Variants in DNMT1 observed in about 807,000 individuals in gnomAD.
The protein encoded by DNMT1 is DNA methyltransferase 1, also known as DNA (cytosine-5)-methyltransferase 1.
DNMT1 carries 24 observed loss-of-function variants against 205.3 expected under a neutral mutation model. The observed-to-expected ratio is 0.12, with a 90% CI of 0.08 to 0.16. DNMT1 has a LOEUF of 0.16. Among genes scored for constraint, DNMT1 ranks in the 10% least tolerant of loss-of-function variants. DNMT1 has a pLI of 1.00. For synonymous variants in DNMT1, 817 were observed against 839.8 expected, an observed-to-expected ratio of 0.97 and a Z score of 0.47; for missense variants, 1,293 against 2,177.7, an observed-to-expected ratio of 0.59 and a Z score of 8.09.
At chr19:10,168,926 C>T (rs926451988) in intron 9 of DNMT1, among the ~76,000 whole-genome samples, 12 of 152,192 alleles carry the variant, frequency 7.9e-5, no homozygotes. Flanking sequence ...TAACCTCCAA[C>T]TCCCAGGTTC....
At position 10,138,712 on chromosome 19, in the gene DNMT1, A is replaced by G; in HGVS notation, c.3949-107T>C. ...AGCCTGAGTCGGGAGTGGCTGGCCA[A>G]TGCGGAGTGCACTTGCAGAAATCCC... On this transcript the variant is annotated intron_variant, in intron 34 of 40. Coordinates refer to ENST00000359526, the MANE Select transcript of DNMT1 (RefSeq NM_001130823.3). This position sits in a 1 kb window ranked among gnomAD's most constrained non-coding sequence, Gnocchi z 4.1. 4.3e-6 allele frequency: 6 copies of G among 1,404,298 alleles called. 1 individual carries two copies. The highest frequency in any genetic ancestry group is 3.9e-5 in the South Asian group (3 of 76,194). The allele number at this position is 1,404,298 out of a possible 1,614,324, so 87.0% of individuals were successfully genotyped here. A position where few individuals can be genotyped will look rare whatever the true frequency, so the allele number is the denominator to read the frequency against.
At chr19:10,134,158 C>T in intron 40 of DNMT1, 59 bp downstream of exon 40, 4 of 1,594,910 alleles carry the variant, frequency 2.5e-6, no homozygotes, top group Non-Finnish European at 2.6e-6. Flanking sequence ...CAACTGCCCC[C>T]ACATGTACCC....
intron 9 of DNMT1, among the ~76,000 whole-genome samples, chr19:10,171,499 C>T (rs770106062): frequency 2.6e-5 from 4 of 151,876 alleles, no homozygotes; most frequent in South Asian, 2.1e-4. Context: ...GGTGAAACCC[C>T]GTCTCTACTA....
intron 30 of DNMT1, 134 bp downstream of exon 30, chr19:10,141,894 C>A: frequency 9.6e-7 from 1 of 1,045,738 alleles, no homozygotes; most frequent in Non-Finnish European, 1.4e-6. Context: ...AGAACAGCTT[C>A]ACGTCAGCCA....
At chr19:10,149,340 A>C (rs2038283662) in intron 26 of DNMT1, 113 bp downstream of exon 26, 16 of 1,383,066 alleles carry the variant, frequency 1.2e-5, no homozygotes, top group Admixed American at 9.7e-5. Context: ...CAAAAAAAAA[A>C]ACAAAAAAAA....
At position 10,156,380 on chromosome 19, in the gene DNMT1, C is replaced by T. The variant is rs2038457852; in HGVS notation, c.1399+11G>A. 6.3e-7 allele frequency: 1 copy of T among 1,597,448 alleles called. No homozygotes were observed. Among genetic ancestry groups the T allele is most frequent in the East Asian group, 2.2e-5 (1 of 44,586 alleles). ...AGTGTGCCCCAAACATAATCCCGGACTATTCCTTACCTTCAAGAGATGGGT... is the reference window on the plus strand; with the variant it reads ...AGTGTGCCCCAAACATAATCCCGGATTATTCCTTACCTTCAAGAGATGGGT... On this transcript the variant is annotated intron_variant, in intron 18 of 40. Coordinates refer to ENST00000359526, the MANE Select transcript of DNMT1 (RefSeq NM_001130823.3). This position sits in a 1 kb window ranked among gnomAD's most constrained non-coding sequence, Gnocchi z 4.2.
At position 10,140,761 on chromosome 19, in the gene DNMT1, T is replaced by C; in HGVS notation, c.3523+20A>G. On this transcript the variant is annotated intron_variant, in intron 32 of 40. Coordinates refer to ENST00000359526, the MANE Select transcript of DNMT1 (RefSeq NM_001130823.3). The surrounding 1 kb of genome is among the most constrained non-coding windows in gnomAD (Gnocchi z 8.4). ...TCTGGGCTCACCAGGTATTCAGAGA[T>C]GGAGCCTACGGGCGCTCACCTGCTT... The C allele has an allele frequency of 6.2e-7, 1 of 1,613,974 alleles. No individual in the cohort carries two copies. Among genetic ancestry groups the C allele is most frequent in the Non-Finnish European group, 8.5e-7 (1 of 1,179,916 alleles).
In DNMT1 at chr19:10,159,444, A is replaced by G. The variant is rs965725681; in HGVS notation, c.1280+214T>C. On this transcript the variant is annotated intron_variant, in intron 17 of 40. Transcript: ENST00000359526. The surrounding 1 kb of genome is among the most constrained non-coding windows in gnomAD (Gnocchi z 5.0). ...GGCTGGTCTCGAACTCCTGACCTGA[A>G]GTGATCTGCTCACCTCGGCCTCCCA... is the stretch of plus-strand genomic sequence containing the variant. Among the ~76,000 whole-genome samples the G allele has an allele frequency of 6.6e-6, 1 of 152,104 alleles. No individual in the cohort carries two copies. Among genetic ancestry groups the G allele is most frequent in the Non-Finnish European group, 1.5e-5 (1 of 68,014 alleles).
At chr19:10,193,219 G>A (rs58494743) in intron 1 of DNMT1, among the ~76,000 whole-genome samples, 1 of 152,068 alleles carries the variant, frequency 6.6e-6, no homozygotes, top group Non-Finnish European at 1.5e-5. Context: ...AGTCATCTGG[G>A]CATGGTGGTG....
intron 30 of DNMT1, 58 bp from the exon 31 acceptor site, chr19:10,141,247 G>A (rs1217308420): frequency 5.1e-6 from 8 of 1,566,622 alleles, no homozygotes; most frequent in African/African-American, 2.7e-5. Flanking sequence ...CCTCTCTAAC[G>A]CAGACTAGTA....
chr19:10,140,195 G>A lies in DNMT1; in HGVS notation c.3657C>T (p.Thr1219=), dbSNP rs142378165. Residue 1219 remains threonine, a synonymous_variant, in exon 33 of 41, where the codon ACC becomes ACT. Coordinates refer to ENST00000359526, the MANE Select transcript of DNMT1 (RefSeq NM_001130823.3). This position sits in a 1 kb window ranked among gnomAD's most constrained non-coding sequence, Gnocchi z 8.4. The part of the protein sequence containing the change: ...ILLKLVMAGE[T]TNSRGQRLPQ... ...GCAGCCGCTGGCCGCGGGAGTTGGT[G>A]GTCTCCCCAGCCATGACCAGCTTCA... The A allele has an allele frequency of 1.5e-5, 25 of 1,614,010 alleles. No individual in the cohort carries two copies. In the African/African-American group the frequency reaches 3.1e-4, roughly 20 times the overall value.
chr19:10,180,179 GCACATA>G lies in DNMT1; in HGVS notation c.493+2_493+7del, dbSNP rs2039017500. 1 of 768,832 alleles carries G rather than the reference GCACATA, an allele frequency of 1.3e-6. No homozygotes were observed. 47.6% of individuals were successfully genotyped at this position (768,832 alleles called of 1,614,324 possible). A position where few individuals can be genotyped will look rare whatever the true frequency, so the allele number is the denominator to read the frequency against. On this transcript the variant is annotated splice_donor_variant and splice_donor_5th_base_variant and intron_variant, in intron 5 of 40. Coordinates refer to ENST00000359526, the MANE Select transcript of DNMT1 (RefSeq NM_001130823.3). LOFTEE classifies it high-confidence loss of function. ...ATACAAAAATTAGCTGGGTGTGGTG[GCACATA>G]CCTCTAATCCCAGTTACTTGGGAGG...
Position 10,133,699 on chromosome 19 carries a change from T to C in DNMT1, c.4867A>G (p.Lys1623Glu), listed in dbSNP as rs751625674. 7 of 1,592,420 alleles carry C rather than the reference T, an allele frequency of 4.4e-6. No homozygotes were observed. The highest frequency in any genetic ancestry group is 5.1e-6 in the Non-Finnish European group (6 of 1,168,360). ...TTAGCAGCTTCCTCCTCCTTTATTT[T>C]AGCTGAAGGGAAATAAAAGGAAAAG... ...LAKARESASA[K>E]IKEEEAAKD Residue 1623 changes from lysine to glutamate, a missense_variant and splice_region_variant, in exon 41 of 41, where the codon AAA becomes GAA. This residue lies in a region of DNMT1 where 37 missense variants were observed against 36.3 expected (regional missense o/e 1.02). Coordinates refer to ENST00000359526, the MANE Select transcript of DNMT1 (RefSeq NM_001130823.3). This position sits in a 1 kb window ranked among gnomAD's most constrained non-coding sequence, Gnocchi z 4.1.
At chr19:10,173,963 A>G in intron 7 of DNMT1, 58 bp from the exon 8 acceptor site, 1 of 1,538,370 alleles carries the variant, frequency 6.5e-7, no homozygotes, top group South Asian at 1.1e-5. Flanking sequence ...AGGGAAGGTC[A>G]ACACCAAAAG....
At chr19:10,163,512 G>A (rs1033975152) in intron 11 of DNMT1, 152 bp from the exon 12 acceptor site, 11 of 745,986 alleles carry the variant, frequency 1.5e-5, no homozygotes, top group Non-Finnish European at 2.5e-5. Context: ...CAGATCTACC[G>A]GGTAGACACG....
chr19:10,183,095 ACGTATATATACG>A lies in DNMT1; in HGVS notation c.81-1030_81-1019del, dbSNP rs1260404217. On this transcript the variant is annotated intron_variant, in intron 1 of 40. Coordinates refer to ENST00000359526, the MANE Select transcript of DNMT1 (RefSeq NM_001130823.3). ...CATATGTGTGTGTATATATATATAC[ACGTATATATACG>A]TGTGTATATATATATATATTTTTTT... is the stretch of plus-strand genomic sequence containing the variant. Among the ~76,000 whole-genome samples, 330 of 143,606 alleles carry A rather than the reference ACGTATATATACG, an allele frequency of 2.3e-3. 3 individuals carry two copies. The highest frequency in any genetic ancestry group is 8.5e-3 in the African/African-American group (314 of 36,764). 94.2% of individuals were successfully genotyped at this position (143,606 alleles called of 152,430 possible).
chr19:10,153,690 C>T (rs1188739035), intron 22 of DNMT1, among the ~76,000 whole-genome samples: 3 of 148,956 alleles, frequency 2.0e-5, no homozygotes, highest in East Asian at 3.9e-4. Flanking sequence ...ATTGGACACA[C>T]GTGTGTTAAC....
chr19:10,183,310 T>TA (rs1249220827), intron 1 of DNMT1, among the ~76,000 whole-genome samples: 2 of 151,668 alleles, frequency 1.3e-5, no homozygotes, highest in Non-Finnish European at 2.9e-5. Flanking sequence ...AGACAGGGTT[T>TA]CTCCGTGTTG....
chr19:10,135,651 G>A (rs1456014333), intron 39 of DNMT1, 85 bp downstream of exon 39: 12 of 1,441,274 alleles, frequency 8.3e-6, no homozygotes, highest in Non-Finnish European at 1.1e-5. Context: ...CCTCCCGGAA[G>A]TGACTGCGCT....
Sources: allele counts gnomAD v4.1 joint callset (sites outside exome capture counted in the v4.1 genomes callset), GRCh38; gene constraint gnomAD v4.1.1; regional missense constraint gnomAD v4.1.1; non-coding constraint Gnocchi (gnomAD v3.1); transcripts MANE v1.5; gene names NCBI Gene and HGNC (gene_info 2026-07-23, HGNC 2026-07-21).